PSIP1: variants seen among roughly 807,000 people sequenced by gnomAD.
PSIP1 encodes the protein PC4 and SFRS1-interacting protein.
Under a neutral mutation model 74.7 loss-of-function variants are expected in PSIP1, and 19 were observed. The ratio of observed to expected loss-of-function variants is 0.25; its 90% CI spans 0.18 to 0.37. The LOEUF (loss-of-function observed/expected upper bound fraction) is 0.37. Ranked by LOEUF, PSIP1 falls within the 10% of genes least tolerant of loss-of-function variation. The probability of loss-of-function intolerance (pLI) is 1.00; values close to 1 mark genes in which losing one functional copy is unlikely to be tolerated. For synonymous variants in PSIP1, 222 were observed against 195.3 expected, an observed-to-expected ratio of 1.14 and a Z score of -1.14; for missense variants, 601 against 614.3, an observed-to-expected ratio of 0.98 and a Z score of 0.23.
At chr9:15,501,611 T>C (rs890179728) in intron 3 of PSIP1, among the ~76,000 whole-genome samples, 2 of 152,028 alleles carry the variant, frequency 1.3e-5, no homozygotes, top group African/African-American at 2.4e-5. Context: ...CTAGTTCGTA[T>C]AGGTTTTTAT....
intron 12 of PSIP1, 71 bp downstream of exon 12, chr9:15,469,195 G>C (rs929459248): frequency 2.7e-5 from 36 of 1,321,478 alleles, no homozygotes; most frequent in African/African-American, 9.1e-5. Context: ...ATACTCATAA[G>C]ATCATGTGAG....
At chr9:15,491,322 T>TA (rs2036821429) in intron 3 of PSIP1, among the ~76,000 whole-genome samples, 1 of 152,224 alleles carries the variant, frequency 6.6e-6, no homozygotes, top group Admixed American at 6.5e-5. Flanking sequence ...GCAAAAAAGA[T>TA]ACTTGCTTAC....
chr9:15,500,250 CG>C (rs1338993985), intron 3 of PSIP1, among the ~76,000 whole-genome samples: 1 of 151,928 alleles, frequency 6.6e-6, no homozygotes, highest in African/African-American at 2.4e-5. Flanking sequence ...AGGATCATGA[CG>C]TCAGGAGATC....
chr9:15,487,117 C>T (rs1356783617), intron 4 of PSIP1, among the ~76,000 whole-genome samples, 186 bp from the exon 5 acceptor site: 1 of 151,010 alleles, frequency 6.6e-6, no homozygotes, highest in Admixed American at 6.6e-5. Context: ...CCTCCTCAGC[C>T]TGAGCCCAGG....
chr9:15,506,530 C>T, intron 3 of PSIP1, 31 bp downstream of exon 3: 1 of 1,493,224 alleles, frequency 6.7e-7, no homozygotes, highest in Non-Finnish European at 9.3e-7. Context: ...TAAATTAGCT[C>T]TGATTTGCCT....
intron 8 of PSIP1, among the ~76,000 whole-genome samples, chr9:15,476,196 CGTT>C (rs2036070275): frequency 6.6e-6 from 1 of 152,094 alleles, no homozygotes; most frequent in South Asian, 2.1e-4. Context: ...AAGAAATAAA[CGTT>C]GTAAAGGCTA....
intron 3 of PSIP1, among the ~76,000 whole-genome samples, chr9:15,504,160 G>C (rs997514772): frequency 2.0e-5 from 3 of 152,122 alleles, no homozygotes; most frequent in Admixed American, 1.3e-4. Context: ...CAAAAACCAA[G>C]TGCATTTTGA....
chr9:15,509,370 T>G (rs1436179780), intron 2 of PSIP1, among the ~76,000 whole-genome samples: 1 of 152,184 alleles, frequency 6.6e-6, no homozygotes, highest in Admixed American at 6.5e-5. Flanking sequence ...GGAGCGTAGA[T>G]CTTTAAACAG....
intron 3 of PSIP1, among the ~76,000 whole-genome samples, chr9:15,495,598 C>A (rs1309489519): frequency 6.6e-6 from 1 of 152,074 alleles, no homozygotes; most frequent in Non-Finnish European, 1.5e-5. Context: ...TTGAACAGTG[C>A]TTGCCTTCTT....
chr9:15,469,274 C>A lies in PSIP1; in HGVS notation c.1096G>T (p.Asp366Tyr). Residue 366 changes from aspartate to tyrosine, a missense_variant, in exon 12 of 16, where the codon GAT (aspartate) becomes TAT (tyrosine). Physicochemically the swap from Asp to Tyr is radical, Grantham distance 160 (BLOSUM62 -3). Coordinates refer to ENST00000380733, the MANE Select transcript of PSIP1 (RefSeq NM_033222.5). ...TGAAGTTAAACACTTACAAGATTAT[C>A]AATTTTGAGTGAATTTTTAATCTCA... ...HAEIKNSLKI[D>Y]NLDVNRCIEA... 1 of 1,551,060 alleles carries A rather than the reference C, an allele frequency of 6.4e-7. No individual in the cohort carries two copies. Among genetic ancestry groups the A allele is most frequent in the Non-Finnish European group, 8.8e-7 (1 of 1,137,008 alleles).
chr9:15,508,176 G>T (rs888716017), intron 2 of PSIP1, among the ~76,000 whole-genome samples: 8 of 152,172 alleles, frequency 5.3e-5, no homozygotes, highest in Non-Finnish European at 1.0e-4. Context: ...TGAAGTTTGG[G>T]ACATGTAGAC....
chr9:15,481,582 G>C (rs918759144), intron 6 of PSIP1, among the ~76,000 whole-genome samples: 3 of 152,078 alleles, frequency 2.0e-5, no homozygotes, highest in South Asian at 2.1e-4. Flanking sequence ...CACTCAAGAG[G>C]CTAAGGCAGG....
intron 6 of PSIP1, among the ~76,000 whole-genome samples, chr9:15,481,205 G>A (rs1014365920): frequency 6.6e-6 from 1 of 152,142 alleles, no homozygotes; most frequent in Non-Finnish European, 1.5e-5. Flanking sequence ...AGGGAACCAG[G>A]ATTCTGTGTT....
At position 15,464,770 on chromosome 9, in the gene PSIP1, G is replaced by C. The variant is rs773348098; in HGVS notation, c.*750C>G. 4.9e-6 allele frequency: 1 copy of C among 205,676 alleles called. No individual in the cohort carries two copies. Among genetic ancestry groups the C allele is most frequent in the Non-Finnish European group, 9.9e-6 (1 of 100,702 alleles). The allele number at this position is 205,676 out of a possible 1,614,324, so 12.7% of individuals were successfully genotyped here. A position where few individuals can be genotyped will look rare whatever the true frequency, so the allele number is the denominator to read the frequency against. The stretch of plus-strand genomic sequence containing the variant: ...GGACCTTAAATGATTTAACCCTAAA[G>C]CCAGATTCATTCCTATATATACCCA... On this transcript the variant is annotated 3_prime_UTR_variant, in exon 16 of 16. Coordinates refer to ENST00000380733, the MANE Select transcript of PSIP1 (RefSeq NM_033222.5).
intron 3 of PSIP1, among the ~76,000 whole-genome samples, chr9:15,499,448 T>C (rs2037231428): frequency 6.6e-6 from 1 of 152,236 alleles, no homozygotes. Flanking sequence ...TACATGTGCA[T>C]TCCAATTTTC....
intron 6 of PSIP1, 128 bp downstream of exon 6, chr9:15,485,878 C>A: frequency 2.6e-6 from 2 of 758,632 alleles, no homozygotes; most frequent in Non-Finnish European, 4.2e-6. Flanking sequence ...TAAAACATAA[C>A]CCATAAAAAA....
At position 15,474,334 on chromosome 9, in the gene PSIP1, A is replaced by G. The variant is rs960529097; in HGVS notation, c.630-97T>C. 4.7e-6 allele frequency: 5 copies of G among 1,052,846 alleles called. No homozygotes were observed. In the African/African-American group the frequency reaches 6.5e-5, roughly 14 times the overall value. 65.2% of individuals were successfully genotyped at this position (1,052,846 alleles called of 1,614,324 possible). A position where few individuals can be genotyped will look rare whatever the true frequency, so the allele number is the denominator to read the frequency against. The stretch of plus-strand genomic sequence containing the variant: ...AATTTTTAATTTAAAGGCAAATCTA[A>G]AACAAAGTAAAAAGAGTGTCTTCAC... On this transcript the variant is annotated intron_variant, in intron 8 of 15. Transcript: ENST00000380733.
chr9:15,471,939 C>T, intron 10 of PSIP1: 1 of 975,474 alleles, frequency 1.0e-6, no homozygotes, highest in African/African-American at 1.8e-5. Flanking sequence ...AGAAAGAACT[C>T]AGAAGTGACA....
At position 15,465,281 on chromosome 9, in the gene PSIP1, GT is replaced by G; in HGVS notation, c.*238del. On this transcript the variant is annotated 3_prime_UTR_variant, in exon 16 of 16. Coordinates refer to ENST00000380733, the MANE Select transcript of PSIP1 (RefSeq NM_033222.5). ...TGCTACAACCATGTCTGGAAAAGCA[GT>G]TTAACATTTTCTAAATGGATTTTAT... 2 of 437,134 alleles carry G rather than the reference GT, an allele frequency of 4.6e-6. No individual in the cohort carries two copies. Among genetic ancestry groups the G allele is most frequent in the East Asian group, 3.8e-5 (1 of 26,150 alleles). 27.1% of individuals were successfully genotyped at this position (437,134 alleles called of 1,614,324 possible).
Sources: gnomAD v4.1 joint callset for allele counts (sites outside exome capture counted in the v4.1 genomes callset) on GRCh38, gnomAD v4.1.1 for gene constraint, MANE v1.5 for transcripts, NCBI Gene and HGNC (gene_info 2026-07-23, HGNC 2026-07-21) for gene names.